The following ASIC2 variants were observed in gnomAD, a reference collection of about 807,000 sequenced individuals.
ASIC2 encodes acid sensing ion channel subunit 2.
A neutral mutation model predicts 57.3 loss-of-function variants in ASIC2; 25 were observed. That is an observed-to-expected ratio of 0.44 (90% CI 0.32 to 0.61). The LOEUF (loss-of-function observed/expected upper bound fraction) is 0.61. Ranked by LOEUF, ASIC2 falls within the 20% of genes least tolerant of loss-of-function variation. ASIC2 has a pLI of 0.06. For synonymous variants in ASIC2, 319 were observed against 307.5 expected, an observed-to-expected ratio of 1.04 and a Z score of -0.39; for missense variants, 641 against 738.1, an observed-to-expected ratio of 0.87 and a Z score of 1.52.
intron 1 of ASIC2, among the ~76,000 whole-genome samples, chr17:33,897,101 A>C (rs1433574241): frequency 6.6e-6 from 1 of 152,226 alleles, no homozygotes; most frequent in Non-Finnish European, 1.5e-5. Flanking sequence ...TTATACCATG[A>C]TAAAGGGATA....
chr17:33,249,798 T>A (rs1597650739), intron 1 of ASIC2, among the ~76,000 whole-genome samples: 1 of 151,938 alleles, frequency 6.6e-6, no homozygotes, highest in South Asian at 2.1e-4. Context: ...GCAGGGCGGG[T>A]GGGGAAACCA....
At chr17:33,524,148 G>C (rs1419362822) in intron 1 of ASIC2, among the ~76,000 whole-genome samples, 2 of 152,274 alleles carry the variant, frequency 1.3e-5, no homozygotes, top group South Asian at 2.1e-4. Flanking sequence ...CCATCCCCAG[G>C]CTCAGCCTCT....
intron 1 of ASIC2, among the ~76,000 whole-genome samples, chr17:33,359,278 T>C (rs1270244926): frequency 1.3e-5 from 2 of 152,196 alleles, no homozygotes; most frequent in African/African-American, 2.4e-5. Context: ...AAGGTTGAAA[T>C]GTAGGTAAGG....
At chr17:33,756,616 G>A (rs1296740464) in intron 1 of ASIC2, among the ~76,000 whole-genome samples, 2 of 152,214 alleles carry the variant, frequency 1.3e-5, no homozygotes, top group Non-Finnish European at 2.9e-5. Flanking sequence ...ATGTTTCTGA[G>A]CTCCCACCTG....
At position 33,888,504 on chromosome 17, in the gene ASIC2, GC is replaced by G. The variant is rs560996107; in HGVS notation, c.555+267473del. ...TTGGCTCCAAGGCTGGGGACTCCCA[GC>G]AGCAAGGACAAAAAGAACATTACTG... On this transcript the variant is annotated intron_variant, in intron 1 of 9. Coordinates refer to the ASIC2 transcript ENST00000359872. Among the ~76,000 whole-genome samples the G allele has an allele frequency of 3.5e-4, 53 of 152,230 alleles. 1 individual carries two copies. The South Asian group carries it at 9.1e-3, about 26-fold the overall frequency.
chr17:33,151,421 A>G (rs2142030049), intron 1 of ASIC2, among the ~76,000 whole-genome samples: 1 of 150,608 alleles, frequency 6.6e-6, no homozygotes, highest in African/African-American at 2.5e-5. Flanking sequence ...TCCTGCTTTA[A>G]TTTCTGCCAC....
chr17:33,788,872 A>G (rs1427490921), intron 1 of ASIC2, among the ~76,000 whole-genome samples: 1 of 152,124 alleles, frequency 6.6e-6, no homozygotes, highest in East Asian at 1.9e-4. Context: ...AGATGTAGAG[A>G]GGGGAACAAC....
chr17:33,050,601 G>C (rs893856065), intron 3 of ASIC2, among the ~76,000 whole-genome samples: 2 of 152,188 alleles, frequency 1.3e-5, no homozygotes, highest in Non-Finnish European at 2.9e-5. Context: ...CTTTCCTGCT[G>C]CTCTGATGAA....
At chr17:33,479,996 T>C (rs1290552944) in intron 1 of ASIC2, among the ~76,000 whole-genome samples, 1 of 152,210 alleles carries the variant, frequency 6.6e-6, no homozygotes, top group Non-Finnish European at 1.5e-5. Context: ...CGCTTTGCCT[T>C]CATACCCCAG....
chr17:33,457,856 A>G (rs970369057), intron 1 of ASIC2, among the ~76,000 whole-genome samples: 1 of 152,242 alleles, frequency 6.6e-6, no homozygotes, highest in Non-Finnish European at 1.5e-5. Context: ...AATTTGCTCA[A>G]TGCCACATAA....
intron 1 of ASIC2, among the ~76,000 whole-genome samples, chr17:34,095,633 T>C (rs1356675643): frequency 3.1e-5 from 3 of 98,180 alleles, no homozygotes; most frequent in South Asian, 3.4e-4. Context: ...ATATATAATT[T>C]TATATATATA....
At chr17:33,482,851 A>C (rs1913451414) in intron 1 of ASIC2, among the ~76,000 whole-genome samples, 1 of 152,244 alleles carries the variant, frequency 6.6e-6, no homozygotes, top group Non-Finnish European at 1.5e-5. Context: ...CCTGGCAATG[A>C]GAATTGTGAT....
chr17:33,683,784 C>T (rs1374614524), intron 1 of ASIC2, among the ~76,000 whole-genome samples: 1 of 152,122 alleles, frequency 6.6e-6, no homozygotes, highest in Non-Finnish European at 1.5e-5. Flanking sequence ...CTCAAGCAAT[C>T]CTCCCACAAT....
intron 1 of ASIC2, chr17:34,147,099 A>G (rs1912441446): frequency 6.6e-6 from 1 of 152,112 alleles, no homozygotes; most frequent in African/African-American, 2.4e-5. Context: ...ACTCCTCCCC[A>G]CTCCCAACAT....
intron 1 of ASIC2, among the ~76,000 whole-genome samples, chr17:33,862,876 A>G (rs1161155079): frequency 2.0e-5 from 3 of 152,228 alleles, no homozygotes; most frequent in African/African-American, 7.2e-5. Flanking sequence ...GCGGTTGAAG[A>G]CTTGGTGAAG....
At chr17:33,683,150 C>A (rs139956375) in intron 1 of ASIC2, among the ~76,000 whole-genome samples, 2 of 152,198 alleles carry the variant, frequency 1.3e-5, no homozygotes, top group African/African-American at 4.8e-5. Context: ...TCACTGCAAG[C>A]TCTGCCTCCC....
chr17:33,392,778 C>G (rs1909947213), intron 1 of ASIC2, among the ~76,000 whole-genome samples: 2 of 152,198 alleles, frequency 1.3e-5, no homozygotes, highest in African/African-American at 4.8e-5. Flanking sequence ...TAGCTAATCC[C>G]TGAGCTATAA....
chr17:33,807,571 C>T (rs1011718696), intron 1 of ASIC2, among the ~76,000 whole-genome samples: 2 of 152,136 alleles, frequency 1.3e-5, no homozygotes, highest in Non-Finnish European at 2.9e-5. Context: ...TTCTTTCCCT[C>T]TTTACTCTCT....
At chr17:34,101,608 T>C (rs1462283284) in intron 1 of ASIC2, among the ~76,000 whole-genome samples, 1 of 152,226 alleles carries the variant, frequency 6.6e-6, no homozygotes, top group East Asian at 1.9e-4. Context: ...TCTCTCCTTT[T>C]GCACCATCCA....
Sources: allele counts gnomAD v4.1 joint callset (sites outside exome capture counted in the v4.1 genomes callset), GRCh38; gene constraint gnomAD v4.1.1; transcripts MANE v1.5; gene names NCBI Gene and HGNC (gene_info 2026-07-23, HGNC 2026-07-21).